ARHGEF33: variants seen among roughly 807,000 people sequenced by gnomAD.
ARHGEF33 encodes DH and coiled-coil domain-containing protein ENSP00000381780.
A neutral mutation model predicts 101.9 loss-of-function variants in ARHGEF33; 72 were observed. The observed-to-expected ratio is 0.71, with a 90% CI of 0.58 to 0.86. The LOEUF is 0.86. Ranked by LOEUF, ARHGEF33 falls within the 40% of genes least tolerant of loss-of-function variation. ARHGEF33 has a pLI of 0.00. For synonymous variants in ARHGEF33, 499 were observed against 442.5 expected (o/e 1.13, Z -1.60); for missense variants, 1,169 against 1,111.3 (o/e 1.05, Z -0.74).
At chr2:38,904,573 G>A (rs530925295) in intron 2 of ARHGEF33, among the ~76,000 whole-genome samples, 30 of 152,070 alleles carry the variant, frequency 2.0e-4, no homozygotes, top group Non-Finnish European at 2.6e-4. Context: ...AGGCGTAGTC[G>A]TGGGTGCCTG....
chr2:38,913,748 G>A (rs1224118210), intron 2 of ARHGEF33, among the ~76,000 whole-genome samples: 2 of 151,096 alleles, frequency 1.3e-5, no homozygotes, highest in African/African-American at 4.9e-5. Flanking sequence ...TGCACTGGGG[G>A]ACAGAGTAAG....
chr2:38,936,378 C>T lies in ARHGEF33; in HGVS notation c.565+544C>T, dbSNP rs80270650. Among the ~76,000 whole-genome samples the T allele has an allele frequency of 6.4e-3, 976 of 152,296 alleles. 24 individuals carry two copies. Among genetic ancestry groups the T allele is most frequent in the East Asian group, 0.064 (331 of 5,186 alleles). Reference sequence around the variant, plus strand: ...TCAAGGGAAAAATGGCCAAATAAGACATTGTTTTTGGCACCCTTCCTCCTC... The same window carrying T: ...TCAAGGGAAAAATGGCCAAATAAGATATTGTTTTTGGCACCCTTCCTCCTC... On this transcript the variant is annotated intron_variant, in intron 8 of 17. Transcript: ENST00000409978.
chr2:38,897,062 C>A (rs1666137704), intron 2 of ARHGEF33, among the ~76,000 whole-genome samples: 2 of 152,104 alleles, frequency 1.3e-5, no homozygotes, highest in Non-Finnish European at 2.9e-5. Flanking sequence ...ACTATAGGTG[C>A]ACACCACCGC....
rs138872854 is a variant in ARHGEF33, at chr2:38,897,027, T to A, written c.-86+1178T>A. Among the ~76,000 whole-genome samples the A allele has an allele frequency of 4.1e-3, 630 of 152,302 alleles. 5 individuals are homozygous for A. The highest frequency in any genetic ancestry group is 0.014 in the African/African-American group (602 of 41,554). Reference sequence around the variant, plus strand: ...GCCTCCTGGGTTCAAGTGATTCTTCTGCCTCAGCGTCCCGAGTAGCTGGGA... The same window carrying A: ...GCCTCCTGGGTTCAAGTGATTCTTCAGCCTCAGCGTCCCGAGTAGCTGGGA... On this transcript the variant is annotated intron_variant, in intron 2 of 17. Transcript: ENST00000409978.
rs1411409940 is a variant in ARHGEF33 at position 38,956,492 on chromosome 2, C to G, written c.1222-407C>G. 4.6e-5 allele frequency among the ~76,000 whole-genome samples: 7 copies of G among 152,302 alleles called. No homozygotes were observed. In the Middle Eastern group the frequency reaches 0.017, roughly 370 times the overall value. ...CGGGGAATGTAACAGAAGGGGCCACCAGGCTTGATCATAAACATCCCCCTC... is the reference window on the plus strand; with the variant it reads ...CGGGGAATGTAACAGAAGGGGCCACGAGGCTTGATCATAAACATCCCCCTC... On this transcript the variant is annotated intron_variant, in intron 13 of 17. Coordinates refer to ENST00000409978, the MANE Select transcript of ARHGEF33 (RefSeq NM_001145451.5).
At chr2:38,936,544 A>C (rs1199712272) in intron 8 of ARHGEF33, among the ~76,000 whole-genome samples, 1 of 152,224 alleles carries the variant, frequency 6.6e-6, no homozygotes, top group African/African-American at 2.4e-5. Flanking sequence ...TATATAGTAA[A>C]GACTATGTAT....
At chr2:38,937,815 G>A (rs1453730071) in intron 9 of ARHGEF33, among the ~76,000 whole-genome samples, 1 of 152,188 alleles carries the variant, frequency 6.6e-6, no homozygotes, top group Non-Finnish European at 1.5e-5. Context: ...GGAGGGGGAA[G>A]GCATAAGGTT....
At chr2:38,951,958 A>C (rs1352918853) in intron 11 of ARHGEF33, among the ~76,000 whole-genome samples, 1 of 152,238 alleles carries the variant, frequency 6.6e-6, no homozygotes, top group Non-Finnish European at 1.5e-5. Flanking sequence ...AAGTGAACAC[A>C]GTATGGACTG....
rs141772148 is a variant in ARHGEF33 at position 38,956,141 on chromosome 2, G to C, written c.1222-758G>C. The stretch of plus-strand genomic sequence containing the variant: ...CAATTTACCCAAGTTAACACACCTA[G>C]TAGGTAAAAAAAACTAGGACTGAAA... On this transcript the variant is annotated intron_variant, in intron 13 of 17. Transcript: ENST00000409978. 2.0e-5 allele frequency among the ~76,000 whole-genome samples: 3 copies of C among 152,186 alleles called. No individual in the cohort carries two copies. The South Asian group carries it at 6.2e-4, about 32-fold the overall frequency.
chr2:38,924,920 T>C (rs1263993279), intron 4 of ARHGEF33, among the ~76,000 whole-genome samples: 1 of 152,134 alleles, frequency 6.6e-6, no homozygotes, highest in East Asian at 1.9e-4. Context: ...AGTTACAACA[T>C]TGAAAAATTA....
Position 38,935,729 on chromosome 2 carries a change from A to G in ARHGEF33, c.506-46A>G, listed in dbSNP as rs751983891. On this transcript the variant is annotated intron_variant, in intron 7 of 17. Transcript: ENST00000409978. ...CAGGCTCGTGGAAGGTGCTTAGTCC[A>G]TGTTAGTGGAATGAACGCTGAATGA... is the stretch of plus-strand genomic sequence containing the variant. The G allele has an allele frequency of 2.3e-4, 342 of 1,509,924 alleles. 4 individuals carry two copies. The East Asian group carries it at 8.3e-3, about 37-fold the overall frequency. 93.5% of individuals were successfully genotyped at this position (1,509,924 alleles called of 1,614,324 possible).
intron 9 of ARHGEF33, among the ~76,000 whole-genome samples, chr2:38,939,113 C>T (rs1380288133): frequency 6.6e-6 from 1 of 152,148 alleles, no homozygotes; most frequent in Non-Finnish European, 1.5e-5. Flanking sequence ...GCTGGGATTA[C>T]AGGCGTGCAC....
At chr2:38,949,386 A>C (rs1031029772) in intron 10 of ARHGEF33, among the ~76,000 whole-genome samples, 2 of 151,868 alleles carry the variant, frequency 1.3e-5, no homozygotes, top group Non-Finnish European at 2.9e-5. Flanking sequence ...ACCCAAAAAA[A>C]CTCTGCTTCT....
At position 38,931,238 on chromosome 2, in the gene ARHGEF33, G is replaced by T. The variant is rs749201588; in HGVS notation, c.492G>T (p.Gln164His). The part of the protein sequence containing the change: ...SEDFTNLLPS[Q>H]AYEKAQESRS... ...ACTTTACCAACCTTTTGCCTTCTCA[G>T]GCCTACGAGAAAGGTACAGTTCACA... is the stretch of plus-strand genomic sequence containing the variant. The change falls in exon 7 of 18, where the codon CAG (glutamine) becomes CAT (histidine). Residue 164 changes from glutamine to histidine, a missense_variant. Coordinates refer to ENST00000409978, the MANE Select transcript of ARHGEF33 (RefSeq NM_001145451.5). The T allele has an allele frequency of 7.1e-6, 11 of 1,547,066 alleles. No individual in the cohort carries two copies. In the South Asian group the frequency reaches 1.2e-4, roughly 17 times the overall value.
chr2:38,921,197 G>A (rs1666748520), intron 3 of ARHGEF33, among the ~76,000 whole-genome samples, 177 bp from the exon 4 acceptor site: 2 of 152,350 alleles, frequency 1.3e-5, no homozygotes, highest in Non-Finnish European at 2.9e-5. Context: ...TGATTAGGAT[G>A]TGTGAATATG....
At chr2:38,951,445 T>C (rs1667601672) in intron 11 of ARHGEF33, among the ~76,000 whole-genome samples, 1 of 152,116 alleles carries the variant, frequency 6.6e-6, no homozygotes, top group Admixed American at 6.5e-5. Context: ...GTATGTATTG[T>C]GTGTGTGTTT....
At chr2:38,968,967 C>T (rs1159722086) in intron 17 of ARHGEF33, among the ~76,000 whole-genome samples, 1 of 152,110 alleles carries the variant, frequency 6.6e-6, no homozygotes, top group African/African-American at 2.4e-5. Context: ...CAGGGAGGCC[C>T]CAGTGTAGCA....
chr2:38,971,310 C>A (rs1171363609), intron 17 of ARHGEF33, among the ~76,000 whole-genome samples: 1 of 152,208 alleles, frequency 6.6e-6, no homozygotes, highest in Non-Finnish European at 1.5e-5. Flanking sequence ...GTCTTTTCCT[C>A]TTTCCATCAA....
chr2:38,967,876 G>A (rs917672527), intron 17 of ARHGEF33, among the ~76,000 whole-genome samples: 4 of 149,788 alleles, frequency 2.7e-5, no homozygotes, highest in Admixed American at 1.3e-4. Context: ...CACCGCACCC[G>A]GCCAGACTCC....
Sources: gnomAD v4.1 joint callset for allele counts (sites outside exome capture counted in the v4.1 genomes callset) on GRCh38, gnomAD v4.1.1 for gene constraint, MANE v1.5 for transcripts, NCBI Gene and HGNC (gene_info 2026-07-23, HGNC 2026-07-21) for gene names.